The following PRR16 variants were observed in gnomAD, a reference collection of about 807,000 sequenced individuals.
PRR16 encodes the protein protein Largen.
In PRR16, 6 loss-of-function variants were observed where a neutral mutation model predicts 18.2. The ratio of observed to expected loss-of-function variants is 0.33; its 90% CI spans 0.18 to 0.65. The LOEUF (loss-of-function observed/expected upper bound fraction) is 0.65, where lower values mean the gene tolerates loss of function less well. PRR16 is among the 30% of genes least tolerant of loss of function. The probability of loss-of-function intolerance (pLI) is 0.74; values close to 1 mark genes in which losing one functional copy is unlikely to be tolerated. For missense variants in PRR16, 412 were observed against 376.6 expected, an observed-to-expected ratio of 1.09 and a Z score of -0.78; for synonymous variants, 151 against 147.8, an observed-to-expected ratio of 1.02 and a Z score of -0.16.
intron 1 of PRR16, among the ~76,000 whole-genome samples, chr5:120,544,493 C>T (rs1180968835): frequency 2.0e-5 from 3 of 152,022 alleles, no homozygotes; most frequent in Non-Finnish European, 4.4e-5. Flanking sequence ...AGTATATGCA[C>T]ACACATGTAT....
chr5:120,641,293 T>C (rs1195681651), intron 1 of PRR16, among the ~76,000 whole-genome samples: 29 of 152,146 alleles, frequency 1.9e-4, no homozygotes, highest in Non-Finnish European at 2.9e-5. Context: ...TGATACCTGG[T>C]CTGCTGGTGC....
chr5:120,785,018 A>G, the PRR16 span, among the ~76,000 whole-genome samples: 2 of 152,200 alleles, frequency 1.3e-5, no homozygotes, highest in Non-Finnish European at 2.9e-5. Context: ...TAACATTTTG[A>G]TAAGTGCAAA....
intron 1 of PRR16, among the ~76,000 whole-genome samples, chr5:120,612,164 T>C (rs1754357349): frequency 6.6e-6 from 1 of 152,204 alleles, no homozygotes; most frequent in Non-Finnish European, 1.5e-5. Flanking sequence ...TACCTGTACC[T>C]CCACTGTTTC....
At chr5:120,722,784 C>T in the PRR16 span, among the ~76,000 whole-genome samples, 9 of 151,706 alleles carry the variant, frequency 5.9e-5, no homozygotes, top group South Asian at 2.1e-4. Context: ...GTTACTTAAT[C>T]GTTCTTTCTC....
chr5:120,732,461 C>G, the PRR16 span, among the ~76,000 whole-genome samples: 3 of 152,126 alleles, frequency 2.0e-5, no homozygotes, highest in Admixed American at 6.6e-5. Context: ...TTCCCACTAT[C>G]ACTTGATTTT....
At chr5:120,744,530 A>G in the PRR16 span, among the ~76,000 whole-genome samples, 1 of 152,298 alleles carries the variant, frequency 6.6e-6, no homozygotes, top group South Asian at 2.1e-4. Context: ...TGGACATTCT[A>G]TTATCAATAG....
At chr5:120,660,625 AC>A (rs1449097194) in intron 1 of PRR16, among the ~76,000 whole-genome samples, 1 of 152,040 alleles carries the variant, frequency 6.6e-6, no homozygotes, top group Non-Finnish European at 1.5e-5. Flanking sequence ...TTTAAATGAC[AC>A]AGATACAACA....
the PRR16 span, among the ~76,000 whole-genome samples, chr5:120,745,105 T>C: frequency 6.6e-6 from 1 of 152,312 alleles, no homozygotes; most frequent in Non-Finnish European, 1.5e-5. Context: ...CAATCCTCCC[T>C]AATCATAAGA....
At chr5:120,753,803 C>A in the PRR16 span, among the ~76,000 whole-genome samples, 1 of 138,952 alleles carries the variant, frequency 7.2e-6, no homozygotes, top group South Asian at 2.2e-4. Context: ...TCTAACATCC[C>A]TTGAGTTTTA....
At position 120,608,739 on chromosome 5, in the gene PRR16, C is replaced by T. The variant is rs149834936; in HGVS notation, c.160-77215C>T. On this transcript the variant is annotated intron_variant, in intron 1 of 1. Coordinates refer to ENST00000407149, the MANE Select transcript of PRR16 (RefSeq NM_001300783.2). The stretch of plus-strand genomic sequence containing the variant: ...GCAGCAATCATTAGATCTGGTTAAC[C>T]CCCTAGACGGTGTTTCATCTCTCAT... Among the ~76,000 whole-genome samples the T allele has an allele frequency of 9.6e-4, 146 of 152,054 alleles. 1 individual carries two copies. The Middle Eastern group carries it at 0.034, about 36-fold the overall frequency.
At chr5:120,468,778 C>T (rs1749180636) in intron 1 of PRR16, among the ~76,000 whole-genome samples, 1 of 152,170 alleles carries the variant, frequency 6.6e-6, no homozygotes. Flanking sequence ...AAACTAATTG[C>T]AGCTTTAGCT....
chr5:120,617,671 T>C (rs1754559981), intron 1 of PRR16, among the ~76,000 whole-genome samples: 1 of 152,126 alleles, frequency 6.6e-6, no homozygotes, highest in South Asian at 2.1e-4. Context: ...TTAATTTTAG[T>C]CATTAAAAAA....
intron 1 of PRR16, among the ~76,000 whole-genome samples, chr5:120,535,394 T>C (rs1323691191): frequency 1.3e-5 from 2 of 152,238 alleles, no homozygotes; most frequent in Non-Finnish European, 2.9e-5. Context: ...AAAACATTGA[T>C]AGTAATTTGT....
intron 1 of PRR16, among the ~76,000 whole-genome samples, chr5:120,646,086 T>A (rs1755592630): frequency 9.8e-6 from 1 of 102,160 alleles, no homozygotes. Context: ...CATAGTTTCA[T>A]GAATATTATA....
At chr5:120,507,926 C>T (rs1338904880) in intron 1 of PRR16, among the ~76,000 whole-genome samples, 1 of 152,106 alleles carries the variant, frequency 6.6e-6, no homozygotes, top group Non-Finnish European at 1.5e-5. Flanking sequence ...AGGGCAGATA[C>T]TGCTACTTGC....
intron 1 of PRR16, among the ~76,000 whole-genome samples, chr5:120,498,133 G>T: frequency 6.6e-6 from 1 of 150,560 alleles, no homozygotes; most frequent in East Asian, 1.9e-4. Flanking sequence ...ACTTCTTGTG[G>T]GTTACTTGAA....
At chr5:120,470,922 A>G (rs553462288) in intron 1 of PRR16, among the ~76,000 whole-genome samples, 1 of 151,980 alleles carries the variant, frequency 6.6e-6, no homozygotes, top group East Asian at 1.9e-4. Flanking sequence ...TTTTTTTAAC[A>G]TTTTCTTAGA....
At chr5:120,759,505 C>T in the PRR16 span, among the ~76,000 whole-genome samples, 1 of 151,984 alleles carries the variant, frequency 6.6e-6, no homozygotes, top group Admixed American at 6.6e-5. Flanking sequence ...ATATAAGTGG[C>T]TTCCATGGGC....
chr5:120,741,019 CATT>C, the PRR16 span, among the ~76,000 whole-genome samples: 1 of 151,878 alleles, frequency 6.6e-6, no homozygotes, highest in South Asian at 2.1e-4. Flanking sequence ...ATTTCTCTTG[CATT>C]ATTGTGTAGT....
Sources: allele counts gnomAD v4.1 joint callset (sites outside exome capture counted in the v4.1 genomes callset), GRCh38; gene constraint gnomAD v4.1.1; transcripts MANE v1.5; gene names NCBI Gene and HGNC (gene_info 2026-07-23, HGNC 2026-07-21).